Variants in MAD1L1 observed in about 807,000 individuals in gnomAD.
MAD1L1 encodes the protein mitotic spindle assembly checkpoint protein MAD1.
Under a neutral mutation model 96.9 loss-of-function variants are expected in MAD1L1, and 95 were observed. That is an observed-to-expected ratio of 0.98 (90% CI 0.83 to 1.16). The LOEUF (loss-of-function observed/expected upper bound fraction) is 1.16, where lower values mean the gene tolerates loss of function less well. Among genes scored for constraint, MAD1L1 ranks in the 50% most tolerant of loss-of-function variants. The probability of loss-of-function intolerance (pLI) is 0.00; values close to 1 mark genes in which losing one functional copy is unlikely to be tolerated. For synonymous variants in MAD1L1, 473 were observed against 396.6 expected (o/e 1.19, Z -2.29); for missense variants, 1,007 against 954.4 (o/e 1.06, Z -0.73).
At chr7:2,161,889 TG>T (rs561714108) in intron 10 of MAD1L1, among the ~76,000 whole-genome samples, 5 of 144,556 alleles carry the variant, frequency 3.5e-5, no homozygotes, top group Non-Finnish European at 3.0e-5. Context: ...GTCCGGGAGG[TG>T]GGGGGCAGCC....
At chr7:2,205,090 T>C (rs1276933584) in intron 10 of MAD1L1, among the ~76,000 whole-genome samples, 4 of 126,806 alleles carry the variant, frequency 3.2e-5, no homozygotes, top group Non-Finnish European at 6.5e-5. Context: ...TTTTCTTTTT[T>C]TTTTTTTTTT....
intron 11 of MAD1L1, among the ~76,000 whole-genome samples, chr7:2,104,821 C>A (rs1474846152): frequency 6.6e-6 from 1 of 152,244 alleles, no homozygotes; most frequent in East Asian, 1.9e-4. Context: ...ACTGCAGCTC[C>A]CACGCCAGGC....
chr7:1,818,029 G>C (rs1212454988), intron 18 of MAD1L1, among the ~76,000 whole-genome samples: 4 of 151,982 alleles, frequency 2.6e-5, no homozygotes, highest in African/African-American at 9.7e-5. Context: ...ATTTGGCCTT[G>C]TCATAGTTCA....
chr7:2,084,451 C>T (rs759548518), intron 11 of MAD1L1, among the ~76,000 whole-genome samples: 3 of 152,256 alleles, frequency 2.0e-5, no homozygotes, highest in Non-Finnish European at 4.4e-5. Flanking sequence ...GAAGGCCCTG[C>T]GCCCACGCAG....
chr7:1,936,784 T>C lies in MAD1L1; in HGVS notation c.1710A>G (p.Arg570=). ...CCATGGCGCGCAGGAGCCCGCGCAG[T>C]CGCTCGCACTCCGCCTGCAGCTGGC... ...DHSQLQAECE[R]LRGLLRAMER... Residue 570 remains arginine, a synonymous_variant, in exon 17 of 19, where the codon CGA becomes CGG. Coordinates refer to ENST00000265854, the MANE Select transcript of MAD1L1 (RefSeq NM_001013836.2). The C allele has an allele frequency of 1.3e-6, 2 of 1,580,796 alleles. No homozygotes were observed. The highest frequency in any genetic ancestry group is 1.7e-6 in the Non-Finnish European group (2 of 1,164,424).
chr7:2,200,957 C>A (rs936292227), intron 10 of MAD1L1, among the ~76,000 whole-genome samples: 2 of 152,168 alleles, frequency 1.3e-5, no homozygotes, highest in African/African-American at 4.8e-5. Flanking sequence ...ATCTCCTGTT[C>A]CTCCCAAGAA....
chr7:1,997,283 C>T (rs919896500), intron 14 of MAD1L1, among the ~76,000 whole-genome samples: 2 of 152,190 alleles, frequency 1.3e-5, no homozygotes, highest in Non-Finnish European at 2.9e-5. Flanking sequence ...GGAGACGGGA[C>T]GGGCACTAGG....
intron 14 of MAD1L1, among the ~76,000 whole-genome samples, chr7:2,000,258 G>A (rs896219272): frequency 1.3e-5 from 2 of 151,924 alleles, no homozygotes; most frequent in African/African-American, 4.8e-5. Context: ...TCAACGCAGC[G>A]GACTCGGACC....
chr7:2,179,453 G>C (rs1419364974), intron 10 of MAD1L1, among the ~76,000 whole-genome samples: 1 of 151,310 alleles, frequency 6.6e-6, no homozygotes, highest in East Asian at 2.0e-4. Context: ...ACTTGAACCC[G>C]GGAGGTAGAG....
At position 1,968,021 on chromosome 7, in the gene MAD1L1, A is replaced by G. The variant is rs1780243382; in HGVS notation, c.1506-10302T>C. 6.6e-6 allele frequency among the ~76,000 whole-genome samples: 1 copy of G among 152,248 alleles called. No homozygotes were observed. The highest frequency in any genetic ancestry group is 6.5e-5 in the Admixed American group (1 of 15,292). On this transcript the variant is annotated intron_variant, in intron 15 of 18. Coordinates refer to ENST00000265854, the MANE Select transcript of MAD1L1 (RefSeq NM_001013836.2). This position sits in a 1 kb window ranked among gnomAD's most constrained non-coding sequence, Gnocchi z 5.6. ...AGTCCACACTGCTGGTAATAAATGAAGAAGTGAATAAATGGGGAAGAGGAG... is the reference window on the plus strand; with the variant it reads ...AGTCCACACTGCTGGTAATAAATGAGGAAGTGAATAAATGGGGAAGAGGAG...
At chr7:1,923,534 G>C (rs1375587591) in intron 17 of MAD1L1, among the ~76,000 whole-genome samples, 1 of 123,662 alleles carries the variant, frequency 8.1e-6, no homozygotes, top group Non-Finnish European at 1.9e-5. Context: ...CAATCCTGCG[G>C]AGGTACAGCC....
At chr7:1,882,812 C>G (rs1372109358) in intron 18 of MAD1L1, among the ~76,000 whole-genome samples, 1 of 152,264 alleles carries the variant, frequency 6.6e-6, no homozygotes, top group African/African-American at 2.4e-5. Context: ...GGCCGTGACT[C>G]TGATCCTGGG....
chr7:1,831,099 G>A (rs188000041), intron 18 of MAD1L1, among the ~76,000 whole-genome samples: 405 of 152,382 alleles, frequency 2.7e-3, no homozygotes, highest in African/African-American at 9.4e-3. Context: ...AGCACACCTC[G>A]CTTCATCCGT....
At chr7:1,881,184 G>A (rs1785659343) in intron 18 of MAD1L1, among the ~76,000 whole-genome samples, 1 of 152,206 alleles carries the variant, frequency 6.6e-6, no homozygotes, top group African/African-American at 2.4e-5. Flanking sequence ...ATTCCCGGAA[G>A]TCTTACATGG....
intron 11 of MAD1L1, among the ~76,000 whole-genome samples, chr7:2,125,242 G>C (rs959131472): frequency 3.3e-5 from 5 of 152,214 alleles, no homozygotes; most frequent in Non-Finnish European, 1.5e-5. Context: ...CTGGACCCAA[G>C]GGTGGGGGCG....
intron 15 of MAD1L1, among the ~76,000 whole-genome samples, chr7:1,972,111 A>G (rs1410136470): frequency 1.3e-5 from 2 of 152,156 alleles, no homozygotes; most frequent in Admixed American, 6.6e-5. Flanking sequence ...ACTTCCCTCC[A>G]TGTCTACTCC....
At chr7:2,003,821 C>T (rs768122292) in intron 13 of MAD1L1, among the ~76,000 whole-genome samples, 5 of 152,186 alleles carry the variant, frequency 3.3e-5, no homozygotes, top group Admixed American at 1.3e-4. Flanking sequence ...GCTGTGTGGA[C>T]CCCACACTGG....
At chr7:1,860,300 T>C (rs1205898413) in intron 18 of MAD1L1, among the ~76,000 whole-genome samples, 2 of 139,738 alleles carry the variant, frequency 1.4e-5, no homozygotes, top group East Asian at 2.3e-4. Context: ...TCTGTGTCCC[T>C]AGACCTGACA....
At chr7:2,132,398 GC>G (rs1788556239) in intron 11 of MAD1L1, among the ~76,000 whole-genome samples, 1 of 105,482 alleles carries the variant, frequency 9.5e-6, no homozygotes, top group Non-Finnish European at 2.2e-5. Flanking sequence ...CACCATCACG[GC>G]CGCGTGCAGT....
Sources: allele counts gnomAD v4.1 joint callset (sites outside exome capture counted in the v4.1 genomes callset), GRCh38; gene constraint gnomAD v4.1.1; non-coding constraint Gnocchi (gnomAD v3.1); transcripts MANE v1.5; gene names NCBI Gene and HGNC (gene_info 2026-07-23, HGNC 2026-07-21).